SLC35D4: variants seen among roughly 807,000 people sequenced by gnomAD.
SLC35D4 encodes solute carrier family 35 member D4, also known as UDP-N-acetylglucosamine transporter SLC35D4.
the SLC35D4 span, among the ~76,000 whole-genome samples, chr18:23,338,556 C>T: frequency 6.6e-6 from 1 of 152,112 alleles, no homozygotes; most frequent in Non-Finnish European, 1.5e-5. Flanking sequence ...GCAGACAAGA[C>T]TCAAAAGCTG....
At chr18:23,381,508 A>G in the SLC35D4 span, among the ~76,000 whole-genome samples, 6 of 152,182 alleles carry the variant, frequency 3.9e-5, no homozygotes, top group African/African-American at 1.4e-4. Flanking sequence ...CCCGGCCTCC[A>G]TCTGTATTTT....
the SLC35D4 span, among the ~76,000 whole-genome samples, chr18:23,383,790 T>C: frequency 6.6e-6 from 1 of 151,646 alleles, no homozygotes; most frequent in Non-Finnish European, 1.5e-5. Flanking sequence ...CACCAAGGCA[T>C]GTTTATGGGC....
chr18:23,257,491 T>C, the SLC35D4 span: 5 of 1,140,908 alleles, frequency 4.4e-6, no homozygotes, highest in Non-Finnish European at 4.8e-6. Context: ...TCGACATAGT[T>C]TGGGGAGAAG....
At chr18:23,433,019 G>C in the SLC35D4 span, among the ~76,000 whole-genome samples, 1 of 150,052 alleles carries the variant, frequency 6.7e-6, no homozygotes, top group Non-Finnish European at 1.5e-5. Context: ...CCATTGAAAG[G>C]CATGCAAGCA....
At chr18:23,349,998 C>A in the SLC35D4 span, among the ~76,000 whole-genome samples, 1 of 152,184 alleles carries the variant, frequency 6.6e-6, no homozygotes, top group South Asian at 2.1e-4. Flanking sequence ...GGACAGACAC[C>A]CAGAGATAGT....
the SLC35D4 span, among the ~76,000 whole-genome samples, chr18:23,404,648 C>A: frequency 6.8e-6 from 1 of 146,090 alleles, no homozygotes; most frequent in Non-Finnish European, 1.5e-5. Flanking sequence ...GAGATCACGC[C>A]ATTGCACTCC....
chr18:23,280,789 T>G, the SLC35D4 span, among the ~76,000 whole-genome samples: 17 of 152,300 alleles, frequency 1.1e-4, no homozygotes, highest in African/African-American at 3.8e-4. Context: ...GGGCAGTAGC[T>G]GAAAAATAAA....
At chr18:23,248,394 AAG>A in the SLC35D4 span, among the ~76,000 whole-genome samples, 2 of 151,988 alleles carry the variant, frequency 1.3e-5, no homozygotes, top group Non-Finnish European at 2.9e-5. Context: ...TTTAAGAAGA[AAG>A]AGGAGCCGGT....
chr18:23,268,803 C>CGT, the SLC35D4 span, among the ~76,000 whole-genome samples: 10,379 of 149,442 alleles, frequency 0.069, 457 homozygotes, highest in Middle Eastern at 0.2. Flanking sequence ...TGTGTGTGTG[C>CGT]GTGTGTGTGT....
the SLC35D4 span, among the ~76,000 whole-genome samples, chr18:23,406,811 CTTTA>C: frequency 6.6e-6 from 1 of 151,998 alleles, no homozygotes; most frequent in South Asian, 2.1e-4. Context: ...TTTTTCTTTT[CTTTA>C]TTTATTTAGA....
chr18:23,373,860 G>A, the SLC35D4 span: 29 of 1,365,512 alleles, frequency 2.1e-5, no homozygotes, highest in Non-Finnish European at 2.9e-5. Context: ...GGAGTTGGAT[G>A]AGGCAAAGAT....
chr18:23,360,583 C>T, the SLC35D4 span, among the ~76,000 whole-genome samples: 1 of 152,108 alleles, frequency 6.6e-6, no homozygotes, highest in Admixed American at 6.5e-5. Flanking sequence ...TCTATGGTAA[C>T]AGATATCAGA....
chr18:23,335,458 T>C, the SLC35D4 span, among the ~76,000 whole-genome samples: 1 of 152,216 alleles, frequency 6.6e-6, no homozygotes, highest in Non-Finnish European at 1.5e-5. Flanking sequence ...CAGAACTTAC[T>C]GTGCTCTTTG....
the SLC35D4 span, among the ~76,000 whole-genome samples, chr18:23,429,938 T>C: frequency 6.6e-6 from 1 of 152,356 alleles, no homozygotes; most frequent in East Asian, 1.9e-4. Flanking sequence ...TTGCAAATAT[T>C]TTCTCCCATT....
At chr18:23,266,323 C>G in the SLC35D4 span, among the ~76,000 whole-genome samples, 3 of 151,888 alleles carry the variant, frequency 2.0e-5, no homozygotes, top group Non-Finnish European at 4.4e-5. Context: ...ACAGTAAACC[C>G]CTGGCCCAGG....
the SLC35D4 span, among the ~76,000 whole-genome samples, chr18:23,249,438 G>T: frequency 6.6e-6 from 1 of 152,212 alleles, no homozygotes; most frequent in African/African-American, 2.4e-5. Context: ...TGATTTGGAA[G>T]CCCTGGGTCT....
At chr18:23,382,637 G>A in the SLC35D4 span, among the ~76,000 whole-genome samples, 2 of 152,196 alleles carry the variant, frequency 1.3e-5, no homozygotes, top group South Asian at 4.1e-4. Flanking sequence ...ATTAAAATGT[G>A]AAAGAAAAGA....
the SLC35D4 span, chr18:23,253,046 G>C: frequency 2.5e-6 from 4 of 1,612,332 alleles, no homozygotes; most frequent in South Asian, 4.4e-5. Flanking sequence ...ACATTAAGCT[G>C]ACACTCAGCA....
the SLC35D4 span, chr18:23,377,637 T>C: frequency 1.9e-6 from 3 of 1,578,818 alleles, no homozygotes; most frequent in Admixed American, 5.8e-5. Flanking sequence ...GGGAGGGCAG[T>C]AAACTTACCT....
Sources: allele counts gnomAD v4.1 joint callset (sites outside exome capture counted in the v4.1 genomes callset), GRCh38; gene constraint gnomAD v4.1.1; transcripts MANE v1.5; gene names NCBI Gene and HGNC (gene_info 2026-07-23, HGNC 2026-07-21).